The following USP20 variants were observed in gnomAD, a reference collection of about 807,000 sequenced individuals.
The protein encoded by USP20 is ubiquitin specific peptidase 20, also known as ubiquitin carboxyl-terminal hydrolase 20.
A neutral mutation model predicts 124.2 loss-of-function variants in USP20; 80 were observed. That is an observed-to-expected ratio of 0.64 (90% confidence interval 0.54 to 0.78). The LOEUF (loss-of-function observed/expected upper bound fraction) is 0.78. Among genes scored for constraint, USP20 ranks in the 30% least tolerant of loss-of-function variants. USP20 has a pLI of 0.00. For missense variants in USP20, 1,043 were observed against 1,244.4 expected, an observed-to-expected ratio of 0.84 and a Z score of 2.44; for synonymous variants, 481 against 512.3, an observed-to-expected ratio of 0.94 and a Z score of 0.83.
At chr9:129,842,616 C>T (rs1389228423) in intron 1 of USP20, among the ~76,000 whole-genome samples, 5 of 145,170 alleles carry the variant, frequency 3.4e-5, no homozygotes, top group South Asian at 2.4e-4. Context: ...TTTTTTTAGA[C>T]GGAGTCTTAC....
intron 15 of USP20, 45 bp downstream of exon 15, chr9:129,870,592 G>A: frequency 1.2e-6 from 2 of 1,605,226 alleles, no homozygotes; most frequent in South Asian, 1.1e-5. Flanking sequence ...GAGGGTTGTG[G>A]GGACGGGGAT....
At chr9:129,853,902 T>C (rs1588254896) in intron 3 of USP20, among the ~76,000 whole-genome samples, 1 of 152,066 alleles carries the variant, frequency 6.6e-6, no homozygotes, top group Non-Finnish European at 1.5e-5. Context: ...TTGTCTGGGG[T>C]GCTCTGGGGC....
In USP20 at chr9:129,860,970, G is replaced by C; in HGVS notation, c.364G>C (p.Val122Leu). The change falls in exon 7 of 26, where the codon GTT (valine) becomes CTT (leucine). Residue 122 changes from valine to leucine, a missense_variant. Coordinates refer to ENST00000372429, the MANE Select transcript of USP20 (RefSeq NM_001110303.4). ...GCCACCCTCCCACCCTCTGAAAGCT[G>C]TTCCTATTGCTGTGGCTGATGAAGG... Reference protein sequence around the residue: ...SPPPSHPLKAVPIAVADEGES... With the variant: ...SPPPSHPLKALPIAVADEGES... The C allele has an allele frequency of 6.2e-7, 1 of 1,613,920 alleles. No individual in the cohort carries two copies. The highest frequency in any genetic ancestry group is 1.3e-5 in the African/African-American group (1 of 75,044).
chr9:129,859,285 A>ATTTTATTTTATTT (rs1175289958), intron 6 of USP20, among the ~76,000 whole-genome samples: 1 of 9,336 alleles, frequency 1.1e-4, no homozygotes, highest in Admixed American at 1.4e-3. Context: ...TTTTATTTTA[A>ATTTTATTTTATTT]TTTTTTGAGA....
At chr9:129,840,554 C>A (rs1056084546) in intron 1 of USP20, among the ~76,000 whole-genome samples, 3 of 152,142 alleles carry the variant, frequency 2.0e-5, no homozygotes, top group African/African-American at 7.2e-5. Context: ...CAATGAACTC[C>A]CACATACCCC....
At chr9:129,880,068 T>G (rs2131107675) in intron 24 of USP20, 45 bp from the exon 25 acceptor site, 2 of 1,596,982 alleles carry the variant, frequency 1.3e-6, no homozygotes, top group Non-Finnish European at 1.7e-6. Context: ...GTGGCTTCCT[T>G]GAGGAGGCAA....
rs2034351921 is a variant in USP20, at chr9:129,875,540, T to C, written c.2219-20T>C. On this transcript the variant is annotated intron_variant, in intron 20 of 25. Coordinates refer to ENST00000372429, the MANE Select transcript of USP20 (RefSeq NM_001110303.4). ...CAGCTGGGCCGAGCCACAGCTTCGC[T>C]CCCTGTACCTTCTTCCCAGGCATCC... The C allele has an allele frequency of 6.2e-7, 1 of 1,613,800 alleles. No homozygotes were observed. The highest frequency in any genetic ancestry group is 1.3e-5 in the African/African-American group (1 of 74,904).
chr9:129,858,493 C>T lies in USP20; in HGVS notation c.225C>T (p.Asn75=). The part of the protein sequence containing the change: ...AQAKKHNLTV[N]LTTFRLWCYA... ...CAAAAAAGCACAACTTGACCGTGAACCTGACCACGTTCCGACTGTGGTGTT... is the reference window on the plus strand; with the variant it reads ...CAAAAAAGCACAACTTGACCGTGAATCTGACCACGTTCCGACTGTGGTGTT... Residue 75 remains asparagine (N), a synonymous_variant, in exon 6 of 26, where the codon AAC becomes AAT. Transcript: ENST00000372429. 6.2e-7 allele frequency: 1 copy of T among 1,614,180 alleles called. No homozygotes were observed. Among genetic ancestry groups the T allele is most frequent in the African/African-American group, 1.3e-5 (1 of 75,050 alleles).
In USP20 at chr9:129,868,108, C is replaced by T. The variant is rs535725776; in HGVS notation, c.794C>T (p.Ser265Leu). The T allele has an allele frequency of 1.7e-4, 271 of 1,614,112 alleles. 2 individuals are homozygous for T. The South Asian group carries it at 1.9e-3, about 11-fold the overall frequency. ...CTGACGGAGGCTCGGGACTCAGATTCGAGTGACACGGATGAGAAACGGGAG... is the reference window on the plus strand; with the variant it reads ...CTGACGGAGGCTCGGGACTCAGATTTGAGTGACACGGATGAGAAACGGGAG... Reference protein sequence around the residue: ...VALTEARDSDSSDTDEKREGD... With the variant: ...VALTEARDSDLSDTDEKREGD... Residue 265 changes from serine to leucine, a missense_variant, in exon 11 of 26, where the codon TCG becomes TTG. Ser to Leu is a moderately radical substitution (Grantham distance 145). Coordinates refer to ENST00000372429, the MANE Select transcript of USP20 (RefSeq NM_001110303.4).
chr9:129,873,558 G>C, intron 16 of USP20, 43 bp downstream of exon 16: 3 of 1,614,018 alleles, frequency 1.9e-6, no homozygotes, highest in Non-Finnish European at 2.5e-6. Flanking sequence ...TGCCGTTTCT[G>C]TGCCCTACAT....
Position 129,868,265 on chromosome 9 carries a change from G to A in USP20, c.951G>A (p.Ala317=), listed in dbSNP as rs35868738. The stretch of plus-strand genomic sequence containing the variant: ...CGGAGCTGCTGATCCCAGATGAGGC[G>A]GGCCGAGCCATCTCTGAGAAGGAGC... The part of the protein sequence containing the change: ...AETELLIPDE[A]GRAISEKERM... Residue 317 remains alanine (A), a synonymous_variant, in exon 11 of 26, where the codon GCG becomes GCA. Transcript: ENST00000372429. 3,969 of 1,614,000 alleles carry A rather than the reference G, an allele frequency of 2.5e-3. 7 individuals carry two copies. The highest frequency in any genetic ancestry group is 2.9e-3 in the Non-Finnish European group (3,480 of 1,179,936).
intron 1 of USP20, among the ~76,000 whole-genome samples, chr9:129,838,341 T>C (rs28541400): frequency 0.19 from 28,542 of 152,026 alleles, 3,210 homozygotes; most frequent in South Asian, 0.26. Flanking sequence ...TGTGCCCGGC[T>C]AACAACAAAT....
intron 15 of USP20, among the ~76,000 whole-genome samples, chr9:129,872,913 C>T (rs1218047693): frequency 1.3e-5 from 2 of 151,882 alleles, no homozygotes; most frequent in African/African-American, 4.8e-5. Context: ...TCCATTTTGC[C>T]TTTTGCCTTT....
At chr9:129,867,843 AGAC>A (rs2033893752) in intron 10 of USP20, among the ~76,000 whole-genome samples, 159 bp from the exon 11 acceptor site, 1 of 152,176 alleles carries the variant, frequency 6.6e-6, no homozygotes, top group Non-Finnish European at 1.5e-5. Flanking sequence ...GGGTTAGGAC[AGAC>A]TGCCATGGGA....
Position 129,879,169 on chromosome 9 carries a change from T to C in USP20, c.2513-404T>C, listed in dbSNP as rs1654990369. 6.6e-6 allele frequency among the ~76,000 whole-genome samples: 1 copy of C among 152,196 alleles called. No individual in the cohort carries two copies. The highest frequency in any genetic ancestry group is 2.4e-5 in the African/African-American group (1 of 41,458). ...CCCTGGCCTGGACGCTGGCCTTGCCTTCTACCAGCTATGACCTGAGTGGTT... is the reference window on the plus strand; with the variant it reads ...CCCTGGCCTGGACGCTGGCCTTGCCCTCTACCAGCTATGACCTGAGTGGTT... On this transcript the variant is annotated intron_variant, in intron 23 of 25. Coordinates refer to ENST00000372429, the MANE Select transcript of USP20 (RefSeq NM_001110303.4). This position sits in a 1 kb window ranked among gnomAD's most constrained non-coding sequence, Gnocchi z 4.2.
In USP20 at chr9:129,876,206, C is replaced by A; in HGVS notation, c.2377C>A (p.Arg793Ser). 6.2e-7 allele frequency: 1 copy of A among 1,609,850 alleles called. No homozygotes were observed. Among genetic ancestry groups the A allele is most frequent in the Non-Finnish European group, 8.5e-7 (1 of 1,178,394 alleles). Residue 793 changes from arginine to serine, a missense_variant, in exon 22 of 26, where the codon CGC (arginine) becomes AGC (serine). By Grantham distance (110) the Arg-to-Ser change is moderately radical (BLOSUM62 -1). Transcript: ENST00000372429. ...GGTGGAGATCGAGGCACTGGCCAAG[C>A]GCAGGAGGATCGAGATCGACACCTT... ...CQVEIEALAK[R>S]RRIEIDTFIK...
Position 129,863,181 on chromosome 9 carries a change from C to T in USP20, c.498-5C>T, listed in dbSNP as rs2033640148. ...CTGACCTGGCTCTCTCTCCCCTGCACCCAGCCCGCCGCTGACTCAGTTCTT... is the reference window on the plus strand; with the variant it reads ...CTGACCTGGCTCTCTCTCCCCTGCATCCAGCCCGCCGCTGACTCAGTTCTT... On this transcript the variant is annotated splice_region_variant and splice_polypyrimidine_tract_variant and intron_variant, in intron 8 of 25. Transcript: ENST00000372429. 2.0e-6 allele frequency: 3 copies of T among 1,527,324 alleles called. No individual in the cohort carries two copies. Among genetic ancestry groups the T allele is most frequent in the Non-Finnish European group, 2.7e-6 (3 of 1,128,374 alleles). 94.6% of individuals were successfully genotyped at this position (1,527,324 alleles called of 1,614,324 possible).
At chr9:129,862,120 G>A (rs2033578026) in intron 8 of USP20, among the ~76,000 whole-genome samples, 1 of 76,344 alleles carries the variant, frequency 1.3e-5, no homozygotes, top group South Asian at 6.3e-4. Context: ...CCCAGTGGAG[G>A]TTAGAGATGC....
At chr9:129,865,515 C>G in intron 10 of USP20, 134 bp downstream of exon 10, 2 of 860,560 alleles carry the variant, frequency 2.3e-6, no homozygotes, top group Non-Finnish European at 3.8e-6. Context: ...CAGGCTCTCA[C>G]TCCTAAGCCC....
Sources: allele counts gnomAD v4.1 joint callset (sites outside exome capture counted in the v4.1 genomes callset), GRCh38; gene constraint gnomAD v4.1.1; non-coding constraint Gnocchi (gnomAD v3.1); transcripts MANE v1.5; gene names NCBI Gene and HGNC (gene_info 2026-07-23, HGNC 2026-07-21).